VAV2: variants seen among roughly 807,000 people sequenced by gnomAD.
The protein encoded by VAV2 is guanine nucleotide exchange factor VAV2.
A neutral mutation model predicts 132.5 loss-of-function variants in VAV2; 67 were observed. That is an observed-to-expected ratio of 0.51 (90% CI 0.42 to 0.62). The LOEUF is 0.62. VAV2 is among the 20% of genes least tolerant of loss of function. The pLI, the probability that VAV2 is intolerant of heterozygous loss-of-function variation, is 0.00. For missense variants in VAV2, 938 were observed against 1,153.6 expected (o/e 0.81, Z 2.71); for synonymous variants, 492 against 443.5 (o/e 1.11, Z -1.37).
At chr9:133,889,801 C>T (rs1363397038) in intron 2 of VAV2, among the ~76,000 whole-genome samples, 1 of 152,196 alleles carries the variant, frequency 6.6e-6, no homozygotes, top group Non-Finnish European at 1.5e-5. Context: ...TAAACCTAAT[C>T]AGGCTTCCCC....
chr9:133,788,330 C>G lies in VAV2; in HGVS notation c.1407+24G>C. Reference sequence around the variant, plus strand: ...AGGCCACCCCCACGTTCCTGGGTAGCAGGGGGGACCCGGAAGGCCCCACCT... The same window carrying G: ...AGGCCACCCCCACGTTCCTGGGTAGGAGGGGGGACCCGGAAGGCCCCACCT... On this transcript the variant is annotated intron_variant, in intron 15 of 29. Transcript: ENST00000371850. The surrounding 1 kb of genome is among the most constrained non-coding windows in gnomAD (Gnocchi z 5.3). 6.3e-7 allele frequency: 1 copy of G among 1,584,582 alleles called. No homozygotes were observed. The highest frequency in any genetic ancestry group is 8.6e-7 in the Non-Finnish European group (1 of 1,157,124).
At chr9:133,786,222 T>G in intron 16 of VAV2, among the ~76,000 whole-genome samples, 1 of 152,248 alleles carries the variant, frequency 6.6e-6, no homozygotes, top group East Asian at 1.9e-4. Context: ...TCTATGCGTG[T>G]GCACCTGTGC....
intron 2 of VAV2, 65 bp from the exon 3 acceptor site, chr9:133,861,497 G>A (rs1837594731): frequency 1.3e-6 from 2 of 1,578,258 alleles, no homozygotes; most frequent in Non-Finnish European, 1.7e-6. Context: ...TCACAGAACT[G>A]GGGACGCTGC....
Position 133,788,240 on chromosome 9 carries a change from G to A in VAV2, c.1407+114C>T, listed in dbSNP as rs1435988914. 4.3e-4 allele frequency: 172 copies of A among 402,808 alleles called. 1 individual carries two copies. The highest frequency in any genetic ancestry group is 7.6e-4 in the Non-Finnish European group (151 of 198,834). 25.0% of individuals were successfully genotyped at this position (402,808 alleles called of 1,614,324 possible). A position where few individuals can be genotyped will look rare whatever the true frequency, so the allele number is the denominator to read the frequency against. ...CGGAGACGCCCACCCCAACCCACCC[G>A]GCCAGCATCAGCGGCTGACTTCGAG... On this transcript the variant is annotated intron_variant, in intron 15 of 29. Coordinates refer to ENST00000371850, the MANE Select transcript of VAV2 (RefSeq NM_001134398.2). This position sits in a 1 kb window ranked among gnomAD's most constrained non-coding sequence, Gnocchi z 5.3.
intron 1 of VAV2, among the ~76,000 whole-genome samples, chr9:133,968,908 G>A (rs986581183): frequency 1.3e-5 from 2 of 152,146 alleles, no homozygotes; most frequent in African/African-American, 4.8e-5. Flanking sequence ...CCACCACGAG[G>A]CTATTTCCCG....
chr9:133,852,789 C>T lies in VAV2; in HGVS notation c.380+8585G>A, dbSNP rs537029970. ...ACACCATCATCCTCATGGTGGCAGCCGCAAAGAGGACACACCAGTGTTCCC... is the reference window on the plus strand; with the variant it reads ...ACACCATCATCCTCATGGTGGCAGCTGCAAAGAGGACACACCAGTGTTCCC... On this transcript the variant is annotated intron_variant, in intron 3 of 29. Transcript: ENST00000371850. Among the ~76,000 whole-genome samples, 19 of 152,304 alleles carry T rather than the reference C, an allele frequency of 1.2e-4. No homozygotes were observed. The East Asian group carries it at 3.3e-3, about 26-fold the overall frequency.
intron 4 of VAV2, among the ~76,000 whole-genome samples, chr9:133,816,714 C>T (rs1346563418): frequency 2.0e-5 from 3 of 152,212 alleles, no homozygotes; most frequent in African/African-American, 7.2e-5. Flanking sequence ...ACCTGGGCGA[C>T]AGAGTGAGAC....
rs946062166 is a variant in VAV2, at chr9:133,789,355, G to A, written c.1189-12C>T. On this transcript the variant is annotated splice_polypyrimidine_tract_variant and intron_variant, in intron 13 of 29. Transcript: ENST00000371850. ...TCCAGTTTCACTTGCTGGGAAGAAGGAGAGGGGCCGTCAGCCGGGGCTGGA... is the reference window on the plus strand; with the variant it reads ...TCCAGTTTCACTTGCTGGGAAGAAGAAGAGGGGCCGTCAGCCGGGGCTGGA... The A allele has an allele frequency of 1.9e-6, 3 of 1,608,512 alleles. No homozygotes were observed. Among genetic ancestry groups the A allele is most frequent in the Non-Finnish European group, 1.7e-6 (2 of 1,175,320 alleles).
Position 133,884,081 on chromosome 9 carries a change from G to A in VAV2, c.322-22649C>T, listed in dbSNP as rs546760513. ...ACCCGGGAGGCGGAGGTTGCAGCGA[G>A]GCGGAGGTTGCAGTGAGCTGAGATT... On this transcript the variant is annotated intron_variant, in intron 2 of 29. Coordinates refer to ENST00000371850, the MANE Select transcript of VAV2 (RefSeq NM_001134398.2). This position sits in a 1 kb window ranked among gnomAD's most constrained non-coding sequence, Gnocchi z 5.3. Among the ~76,000 whole-genome samples, 1 of 152,228 alleles carries A rather than the reference G, an allele frequency of 6.6e-6. No individual in the cohort carries two copies. Among genetic ancestry groups the A allele is most frequent in the East Asian group, 1.9e-4 (1 of 5,182 alleles).
intron 2 of VAV2, among the ~76,000 whole-genome samples, chr9:133,890,054 C>A (rs1360275522): frequency 6.6e-6 from 1 of 152,196 alleles, no homozygotes; most frequent in African/African-American, 2.4e-5. Flanking sequence ...CTCCGGGAGG[C>A]TATGGTGCCA....
chr9:133,943,197 G>C (rs951432450), intron 1 of VAV2, among the ~76,000 whole-genome samples: 5 of 152,220 alleles, frequency 3.3e-5, no homozygotes, highest in African/African-American at 4.8e-5. Flanking sequence ...CAGTGGCCTG[G>C]TTTGCAAGGT....
intron 2 of VAV2, among the ~76,000 whole-genome samples, chr9:133,911,515 A>G (rs1839883710): frequency 6.6e-6 from 1 of 152,196 alleles, no homozygotes; most frequent in Non-Finnish European, 1.5e-5. Context: ...ACATATGTAC[A>G]CACCCGTGAC....
chr9:133,862,502 T>C (rs1024392074), intron 2 of VAV2, among the ~76,000 whole-genome samples: 2 of 152,218 alleles, frequency 1.3e-5, no homozygotes, highest in African/African-American at 2.4e-5. Flanking sequence ...ACAGCTCGCG[T>C]GTGTGGTCGT....
intron 1 of VAV2, among the ~76,000 whole-genome samples, chr9:133,962,055 C>G (rs1841982620): frequency 1.3e-5 from 2 of 152,210 alleles, no homozygotes; most frequent in Non-Finnish European, 2.9e-5. Context: ...ACTGACATAG[C>G]AAAGCCAGCT....
rs376369541 is a variant in VAV2, at chr9:133,894,274, G to A, written c.322-32842C>T. Among the ~76,000 whole-genome samples, 10 of 152,352 alleles carry A rather than the reference G, an allele frequency of 6.6e-5. No homozygotes were observed. In the South Asian group the frequency reaches 1.2e-3, roughly 19 times the overall value. On this transcript the variant is annotated intron_variant, in intron 2 of 29. Transcript: ENST00000371850. The stretch of plus-strand genomic sequence containing the variant: ...CCGGGGCCCGGCCTGGCCAGGGATG[G>A]TGCCGGCCATCAGCACCGGCTGCAG...
chr9:133,851,909 G>GTGGGTGGATGGA, intron 3 of VAV2, among the ~76,000 whole-genome samples: 3 of 140,850 alleles, frequency 2.1e-5, no homozygotes, highest in African/African-American at 8.3e-5. Context: ...GGATGGATGG[G>GTGGGTGGATGGA]TGGATGGATG....
At chr9:133,920,349 G>A (rs1435710334) in intron 2 of VAV2, among the ~76,000 whole-genome samples, 1 of 152,216 alleles carries the variant, frequency 6.6e-6, no homozygotes, top group African/African-American at 2.4e-5. Flanking sequence ...GGCGCTTTTC[G>A]CCAGCCATGT....
At chr9:133,930,704 C>T (rs1840654898) in intron 2 of VAV2, among the ~76,000 whole-genome samples, 1 of 152,242 alleles carries the variant, frequency 6.6e-6, no homozygotes. Context: ...CTTAAGGTCC[C>T]TGCAGGGTGC....
intron 2 of VAV2, among the ~76,000 whole-genome samples, chr9:133,938,006 C>A (rs1840988576): frequency 6.6e-6 from 1 of 152,220 alleles, no homozygotes; most frequent in African/African-American, 2.4e-5. Context: ...CAGGTCCTGA[C>A]CTGAGGCCGT....
Sources: allele counts gnomAD v4.1 joint callset (sites outside exome capture counted in the v4.1 genomes callset), GRCh38; gene constraint gnomAD v4.1.1; non-coding constraint Gnocchi (gnomAD v3.1); transcripts MANE v1.5; gene names NCBI Gene and HGNC (gene_info 2026-07-23, HGNC 2026-07-21).